ADAMTSL1: variants seen among roughly 807,000 people sequenced by gnomAD.
ADAMTSL1 encodes the protein ADAMTS-like protein 1.
Under a neutral mutation model 201.8 loss-of-function variants are expected in ADAMTSL1, and 126 were observed. That is an observed-to-expected ratio of 0.62 (90% confidence interval 0.54 to 0.72). ADAMTSL1 has a LOEUF of 0.72. Among genes scored for constraint, ADAMTSL1 ranks in the 30% least tolerant of loss-of-function variants. The pLI, the probability that ADAMTSL1 is intolerant of heterozygous loss-of-function variation, is 0.00. For synonymous variants in ADAMTSL1, 1,121 were observed against 903.4 expected, an observed-to-expected ratio of 1.24 and a Z score of -4.32; for missense variants, 2,679 against 2,277.8, an observed-to-expected ratio of 1.18 and a Z score of -3.59.
intron 4 of ADAMTSL1, among the ~76,000 whole-genome samples, chr9:18,583,498 T>C (rs1257098018): frequency 1.3e-5 from 2 of 152,212 alleles, no homozygotes; most frequent in African/African-American, 2.4e-5. Flanking sequence ...GCTAGGGCAG[T>C]GCAGAAGGGA....
At chr9:18,182,691 A>T (rs552687222) in intron 2 of ADAMTSL1, among the ~76,000 whole-genome samples, 1 of 152,360 alleles carries the variant, frequency 6.6e-6, no homozygotes, top group South Asian at 2.1e-4. Context: ...TAAGTTATGA[A>T]TGTGACATAA....
chr9:18,754,917 C>T (rs570839846), intron 16 of ADAMTSL1, among the ~76,000 whole-genome samples: 38 of 152,226 alleles, frequency 2.5e-4, no homozygotes, highest in East Asian at 1.7e-3. Flanking sequence ...TGTATATTAT[C>T]GCTCACCAAG....
intron 1 of ADAMTSL1, among the ~76,000 whole-genome samples, chr9:17,907,447 T>A (rs2131258707): frequency 6.6e-6 from 1 of 152,246 alleles, no homozygotes; most frequent in African/African-American, 2.4e-5. Flanking sequence ...AGCGTTGTAA[T>A]GTGTGCGGAC....
At chr9:18,381,496 G>C (rs553465404) in intron 2 of ADAMTSL1, among the ~76,000 whole-genome samples, 2 of 152,250 alleles carry the variant, frequency 1.3e-5, no homozygotes, top group East Asian at 3.9e-4. Flanking sequence ...TTAGAATAGG[G>C]CCTCACCTGT....
chr9:18,711,431 C>T (rs554739290), intron 14 of ADAMTSL1, among the ~76,000 whole-genome samples: 173 of 151,166 alleles, frequency 1.1e-3, no homozygotes, highest in African/African-American at 4.0e-3. Flanking sequence ...TTGCCTCACT[C>T]GGGAAGCGCA....
intron 1 of ADAMTSL1, among the ~76,000 whole-genome samples, chr9:18,144,895 C>T (rs1437820683): frequency 6.6e-6 from 1 of 152,118 alleles, no homozygotes; most frequent in African/African-American, 2.4e-5. Context: ...GCAAAATGAA[C>T]TCTGTCTCAG....
chr9:17,969,575 A>G (rs1818120893), intron 1 of ADAMTSL1, among the ~76,000 whole-genome samples: 1 of 152,206 alleles, frequency 6.6e-6, no homozygotes, highest in South Asian at 2.1e-4. Flanking sequence ...GAAAATGATC[A>G]CGAGCACTGC....
intron 22 of ADAMTSL1, among the ~76,000 whole-genome samples, chr9:18,827,927 G>A (rs1446429165): frequency 2.0e-5 from 3 of 152,166 alleles, no homozygotes; most frequent in Non-Finnish European, 2.9e-5. Flanking sequence ...TTAGCTTTTA[G>A]CAGGTACTTT....
At chr9:18,384,623 C>T (rs1837708763) in intron 2 of ADAMTSL1, among the ~76,000 whole-genome samples, 1 of 152,166 alleles carries the variant, frequency 6.6e-6, no homozygotes, top group African/African-American at 2.4e-5. Context: ...ATGTCTCATT[C>T]CTTTGCCTCC....
In ADAMTSL1 at chr9:18,543,531, C is replaced by G. The variant is rs372516284; in HGVS notation, c.237+10239C>G. Among the ~76,000 whole-genome samples the G allele has an allele frequency of 3.3e-5, 5 of 152,204 alleles. No individual in the cohort carries two copies. The East Asian group carries it at 7.7e-4, about 23-fold the overall frequency. ...TCTCTAAATGCAATTGTACAGCATG[C>G]CATGTGGACAACTGGAGGTTGACTT... On this transcript the variant is annotated intron_variant, in intron 3 of 28. Transcript: ENST00000380548.
At chr9:17,943,347 A>G (rs1466983373) in intron 1 of ADAMTSL1, among the ~76,000 whole-genome samples, 2 of 152,098 alleles carry the variant, frequency 1.3e-5, no homozygotes, top group Admixed American at 1.3e-4. Flanking sequence ...CCTGGATTCC[A>G]TGTTGAATTA....
chr9:18,362,303 G>A (rs1836562286), intron 2 of ADAMTSL1: 1 of 152,154 alleles, frequency 6.6e-6, no homozygotes, highest in South Asian at 2.1e-4. Flanking sequence ...CTAATATGTT[G>A]GAACAAATAT....
Position 18,704,451 on chromosome 9 carries a change from A to C in ADAMTSL1, c.1575-2296A>C, listed in dbSNP as rs1298320627. Among the ~76,000 whole-genome samples the C allele has an allele frequency of 2.0e-5, 3 of 152,214 alleles. No homozygotes were observed. In the East Asian group the frequency reaches 5.8e-4, roughly 29 times the overall value. ...TGCCATCTTTCTGATTCGAAAACAA[A>C]GTTTGGTACCACACTATTAAAGAAG... On this transcript the variant is annotated intron_variant, in intron 13 of 28. Coordinates refer to ENST00000380548, the MANE Select transcript of ADAMTSL1 (RefSeq NM_001040272.6).
At chr9:18,430,954 A>C (rs1819462222) in intron 2 of ADAMTSL1, among the ~76,000 whole-genome samples, 5 of 152,188 alleles carry the variant, frequency 3.3e-5, no homozygotes, top group Admixed American at 3.3e-4. Flanking sequence ...GTCATATGAC[A>C]TTTGGATATA....
chr9:18,000,735 G>A (rs1819577879), intron 1 of ADAMTSL1, among the ~76,000 whole-genome samples: 1 of 152,106 alleles, frequency 6.6e-6, no homozygotes, highest in African/African-American at 2.4e-5. Context: ...TGTACTGGAA[G>A]GCTATGAGAT....
At chr9:18,627,381 A>G (rs947736787) in intron 5 of ADAMTSL1, among the ~76,000 whole-genome samples, 24 of 152,132 alleles carry the variant, frequency 1.6e-4, no homozygotes, top group African/African-American at 5.6e-4. Flanking sequence ...ACATCTTTTC[A>G]TGTTGTATTA....
At position 18,526,497 on chromosome 9, in the gene ADAMTSL1, A is replaced by G. The variant is rs1315716653; in HGVS notation, c.192-6750A>G. The stretch of plus-strand genomic sequence containing the variant: ...CCTGTCATTATGATGTTAGCTGGTT[A>G]TTTTGCTCATTAGTTGACGCAGTTT... On this transcript the variant is annotated intron_variant, in intron 2 of 28. Transcript: ENST00000380548. Among the ~76,000 whole-genome samples, 4 of 152,126 alleles carry G rather than the reference A, an allele frequency of 2.6e-5. 1 individual carries two copies.
chr9:18,841,248 G>T (rs1239032886), intron 23 of ADAMTSL1, among the ~76,000 whole-genome samples: 6 of 149,990 alleles, frequency 4.0e-5, no homozygotes, highest in African/African-American at 1.5e-4. Flanking sequence ...TAGCATGAAG[G>T]GTTGTTGAAT....
At chr9:18,673,573 T>G (rs898740639) in intron 9 of ADAMTSL1, among the ~76,000 whole-genome samples, 2 of 152,216 alleles carry the variant, frequency 1.3e-5, no homozygotes, top group African/African-American at 4.8e-5. Context: ...GTCTTGAATT[T>G]TGTACACTCT....
Sources: allele counts gnomAD v4.1 joint callset (sites outside exome capture counted in the v4.1 genomes callset), GRCh38; gene constraint gnomAD v4.1.1; transcripts MANE v1.5; gene names NCBI Gene and HGNC (gene_info 2026-07-23, HGNC 2026-07-21).